Variants in ESCO1 observed in about 807,000 individuals in gnomAD.
The protein encoded by ESCO1 is N-acetyltransferase ESCO1.
A neutral mutation model predicts 83.5 loss-of-function variants in ESCO1; 33 were observed. The ratio of observed to expected loss-of-function variants is 0.40; its 90% CI spans 0.30 to 0.53. ESCO1 has a LOEUF of 0.53. Ranked by LOEUF, ESCO1 falls within the 20% of genes least tolerant of loss-of-function variation. ESCO1 has a pLI of 0.63. For missense variants in ESCO1, 855 were observed against 968.0 expected (o/e 0.88, Z 1.55); for synonymous variants, 332 against 324.3 (o/e 1.02, Z -0.25).
intron 4 of ESCO1, among the ~76,000 whole-genome samples, chr18:21,569,355 T>C (rs1447656984): frequency 6.6e-6 from 1 of 152,210 alleles, no homozygotes; most frequent in Non-Finnish European, 1.5e-5. Context: ...CCCAGAACTT[T>C]TGGGAGGCTG....
At chr18:21,540,569 A>G (rs1285982129) in intron 8 of ESCO1, 2 of 1,311,312 alleles carry the variant, frequency 1.5e-6, no homozygotes, top group African/African-American at 1.5e-5. Context: ...TATAAAAAAT[A>G]TAACTACCTT....
At chr18:21,598,872 G>A (rs1450366237) in intron 1 of ESCO1, among the ~76,000 whole-genome samples, 2 of 152,150 alleles carry the variant, frequency 1.3e-5, no homozygotes, top group African/African-American at 2.4e-5. Context: ...ACCCAACAGT[G>A]ATACTCTGCA....
At chr18:21,571,328 C>CAT (rs2038338857) in intron 4 of ESCO1, among the ~76,000 whole-genome samples, 1 of 152,022 alleles carries the variant, frequency 6.6e-6, no homozygotes, top group African/African-American at 2.4e-5. Context: ...GCTGGGATTA[C>CAT]AGGTGTGCAC....
At chr18:21,561,118 A>C in intron 7 of ESCO1, 128 bp from the exon 8 acceptor site, 1 of 858,346 alleles carries the variant, frequency 1.2e-6, no homozygotes, top group Non-Finnish European at 1.6e-6. Context: ...ATTCAATGTT[A>C]ATTACTAAAA....
intron 1 of ESCO1, among the ~76,000 whole-genome samples, chr18:21,592,320 G>A (rs1463286759): frequency 4.0e-5 from 6 of 150,534 alleles, no homozygotes; most frequent in Admixed American, 6.6e-5. Flanking sequence ...TCCCAGTAGG[G>A]GCGGCCGGGC....
chr18:21,559,070 C>A (rs2038149466), intron 8 of ESCO1, among the ~76,000 whole-genome samples: 2 of 152,192 alleles, frequency 1.3e-5, no homozygotes, highest in Non-Finnish European at 2.9e-5. Flanking sequence ...AAGATAGGTA[C>A]GTTTTCTTCT....
chr18:21,531,118 A>G (rs1225692330), intron 11 of ESCO1, among the ~76,000 whole-genome samples: 2 of 152,168 alleles, frequency 1.3e-5, no homozygotes, highest in African/African-American at 4.8e-5. Context: ...ATTTAGGGGG[A>G]AAAAAGTCCA....
chr18:21,535,321 T>C, intron 10 of ESCO1, among the ~76,000 whole-genome samples: 1 of 151,768 alleles, frequency 6.6e-6, no homozygotes, highest in East Asian at 1.9e-4. Flanking sequence ...TTCAAGCGAT[T>C]CTCCTGCCTT....
chr18:21,587,098 TTG>T (rs1488164595), intron 1 of ESCO1, among the ~76,000 whole-genome samples: 55 of 152,298 alleles, frequency 3.6e-4, no homozygotes, highest in African/African-American at 1.3e-3. Flanking sequence ...AACTTGGTCA[TTG>T]TGTGTTATCA....
intron 4 of ESCO1, among the ~76,000 whole-genome samples, chr18:21,571,312 T>C (rs1010680677): frequency 2.0e-5 from 3 of 151,992 alleles, no homozygotes; most frequent in African/African-American, 7.2e-5. Context: ...CTCAGCCTCC[T>C]GAGTAGCTGG....
At chr18:21,584,723 G>A (rs1472949658) in intron 1 of ESCO1, among the ~76,000 whole-genome samples, 1 of 152,102 alleles carries the variant, frequency 6.6e-6, no homozygotes, top group East Asian at 1.9e-4. Flanking sequence ...GGAGGCTGAG[G>A]TGGGCGTATC....
intron 8 of ESCO1, chr18:21,540,482 T>C: frequency 2.0e-6 from 2 of 1,007,272 alleles, no homozygotes; most frequent in Non-Finnish European, 2.4e-6. Flanking sequence ...ATGAACTGAT[T>C]TGCATGCAGT....
chr18:21,589,475 C>A (rs2038631261), intron 1 of ESCO1, among the ~76,000 whole-genome samples: 1 of 151,994 alleles, frequency 6.6e-6, no homozygotes. Flanking sequence ...TGTATTTCAA[C>A]ACACCACTGG....
In ESCO1 at chr18:21,573,365, G is replaced by A. The variant is rs1191969100; in HGVS notation, c.1479C>T (p.Asp493=). 2.5e-6 allele frequency: 4 copies of A among 1,597,498 alleles called. No individual in the cohort carries two copies. Among genetic ancestry groups the A allele is most frequent in the Non-Finnish European group, 2.6e-6 (3 of 1,176,270 alleles). ...CHLANEIKPS[D]PPLDNQMKHS... is the part of the protein sequence containing the mutation. Reference sequence around the variant, plus strand: ...GTTTCATCTGATTATCCAATGGTGGGTCAGAAGGTTTTATCTCATTGGCCA... The same window carrying A: ...GTTTCATCTGATTATCCAATGGTGGATCAGAAGGTTTTATCTCATTGGCCA... The change falls in exon 4 of 12, where the codon GAC becomes GAT. Residue 493 remains aspartate (D), a synonymous_variant. Coordinates refer to ENST00000269214, the MANE Select transcript of ESCO1 (RefSeq NM_052911.3).
At chr18:21,563,878 G>T (rs1445984675) in intron 7 of ESCO1, among the ~76,000 whole-genome samples, 1 of 150,850 alleles carries the variant, frequency 6.6e-6, no homozygotes, top group African/African-American at 2.4e-5. Flanking sequence ...GCACAAATAG[G>T]TTAATGCCCT....
rs1478835636 is a variant in ESCO1 at position 21,584,370 on chromosome 18, AATG to A, written c.-757_-755del. On this transcript the variant is annotated 5_prime_UTR_variant, in exon 2 of 12. Coordinates refer to ENST00000269214, the MANE Select transcript of ESCO1 (RefSeq NM_052911.3). ...TGATTGATGAATGATGCTTCTGATG[AATG>A]ATACTTCTTATCACTTCCTGTATGT... The A allele has an allele frequency of 6.6e-6, 1 of 152,168 alleles. No individual in the cohort carries two copies. The highest frequency in any genetic ancestry group is 1.5e-5 in the Non-Finnish European group (1 of 68,000). 9.4% of individuals were successfully genotyped at this position (152,168 alleles called of 1,614,324 possible).
chr18:21,561,398 A>T (rs948535282), intron 7 of ESCO1, among the ~76,000 whole-genome samples: 1 of 152,062 alleles, frequency 6.6e-6, no homozygotes, highest in Non-Finnish European at 1.5e-5. Flanking sequence ...GGCTGGGACT[A>T]CAGGGATGTG....
chr18:21,554,887 G>T lies in ESCO1; in HGVS notation c.1953+5972C>A, dbSNP rs950620939. Reference sequence around the variant, plus strand: ...CATGCCACTGCACTCTGGCCTGGGGGACAGAGTGAGGCTCCGTCTCAAAAA... The same window carrying T: ...CATGCCACTGCACTCTGGCCTGGGGTACAGAGTGAGGCTCCGTCTCAAAAA... On this transcript the variant is annotated intron_variant, in intron 8 of 11. Transcript: ENST00000269214. Among the ~76,000 whole-genome samples the T allele has an allele frequency of 1.4e-4, 22 of 151,918 alleles. 1 individual carries two copies. The highest frequency in any genetic ancestry group is 4.8e-4 in the African/African-American group (20 of 41,406).
rs1192879379 is a variant in ESCO1 at position 21,575,222 on chromosome 18, AT to A, written c.-380del. 3 of 384,538 alleles carry A rather than the reference AT, an allele frequency of 7.8e-6. No homozygotes were observed. Among genetic ancestry groups the A allele is most frequent in the Non-Finnish European group, 1.4e-5 (3 of 217,970 alleles). 23.8% of individuals were successfully genotyped at this position (384,538 alleles called of 1,614,324 possible). On this transcript the variant is annotated 5_prime_UTR_variant, in exon 4 of 12. It removes the in-frame stop codon of an upstream open reading frame in the 5' UTR. Transcript: ENST00000269214. ...GCCTAGCTCTATTACTGGAGGAGTTATTTATCAGTGACCTGTTTTGATAAAA... is the reference window on the plus strand; with the variant it reads ...GCCTAGCTCTATTACTGGAGGAGTTATTATCAGTGACCTGTTTTGATAAAA...
Sources: allele counts gnomAD v4.1 joint callset (sites outside exome capture counted in the v4.1 genomes callset), GRCh38; gene constraint gnomAD v4.1.1; transcripts MANE v1.5; gene names NCBI Gene and HGNC (gene_info 2026-07-23, HGNC 2026-07-21).